Variants in CTTNBP2 observed in about 807,000 individuals in gnomAD.
The protein encoded by CTTNBP2 is cortactin-binding protein 2.
CTTNBP2 carries 108 observed loss-of-function variants against 156.9 expected under a neutral mutation model. The ratio of observed to expected loss-of-function variants is 0.69; its 90% CI spans 0.59 to 0.81. The LOEUF is 0.81. CTTNBP2 is among the 30% of genes least tolerant of loss of function. The pLI, the probability that CTTNBP2 is intolerant of heterozygous loss-of-function variation, is 0.00. For missense variants in CTTNBP2, 1,924 were observed against 2,035.4 expected, an observed-to-expected ratio of 0.95 and a Z score of 1.05; for synonymous variants, 767 against 751.8, an observed-to-expected ratio of 1.02 and a Z score of -0.33.
chr7:117,871,162 G>T (rs536910155), intron 1 of CTTNBP2, among the ~76,000 whole-genome samples: 8 of 152,176 alleles, frequency 5.3e-5, no homozygotes, highest in Non-Finnish European at 8.8e-5. Context: ...CAGTCAACAA[G>T]AACCCAAAAT....
chr7:117,769,981 T>C (rs1263014994), intron 8 of CTTNBP2, among the ~76,000 whole-genome samples: 1 of 152,220 alleles, frequency 6.6e-6, no homozygotes, highest in Non-Finnish European at 1.5e-5. Flanking sequence ...ATAAGGGTAA[T>C]GTGACTTAAA....
intron 16 of CTTNBP2, among the ~76,000 whole-genome samples, chr7:117,734,466 A>C (rs1795571648): frequency 6.6e-6 from 1 of 152,192 alleles, no homozygotes; most frequent in Non-Finnish European, 1.5e-5. Context: ...AAGTCACTAA[A>C]AGTTATTATT....
At chr7:117,773,903 G>A (rs1176297338) in intron 8 of CTTNBP2, among the ~76,000 whole-genome samples, 1 of 152,014 alleles carries the variant, frequency 6.6e-6, no homozygotes, top group Non-Finnish European at 1.5e-5. Context: ...ACACATAAGC[G>A]AGAACCATAA....
chr7:117,774,313 A>G (rs2116744972), intron 8 of CTTNBP2, among the ~76,000 whole-genome samples: 1 of 152,318 alleles, frequency 6.6e-6, no homozygotes, highest in East Asian at 1.9e-4. Context: ...CATTTCTTGT[A>G]GATAAAGACT....
At chr7:117,766,403 T>C (rs1159422096) in intron 9 of CTTNBP2, among the ~76,000 whole-genome samples, 1 of 152,252 alleles carries the variant, frequency 6.6e-6, no homozygotes, top group East Asian at 1.9e-4. Context: ...AAAATAAAAG[T>C]ATATGAATGT....
intron 2 of CTTNBP2, among the ~76,000 whole-genome samples, chr7:117,857,443 T>C (rs906914691): frequency 5.3e-5 from 8 of 152,186 alleles, no homozygotes; most frequent in Non-Finnish European, 7.4e-5. Context: ...GAAAAGTCCA[T>C]TGCAATTAAT....
intron 6 of CTTNBP2, among the ~76,000 whole-genome samples, chr7:117,781,127 A>T (rs1798414371): frequency 6.6e-6 from 1 of 152,224 alleles, no homozygotes; most frequent in Non-Finnish European, 1.5e-5. Context: ...CTGTCTCCTG[A>T]AGTCAGGCTA....
intron 1 of CTTNBP2, among the ~76,000 whole-genome samples, chr7:117,866,842 T>C (rs1804233992): frequency 6.6e-6 from 1 of 152,190 alleles, no homozygotes; most frequent in South Asian, 2.1e-4. Flanking sequence ...TTTGCCTCTT[T>C]GCTCAGAAGT....
At position 117,724,752 on chromosome 7, in the gene CTTNBP2, A is replaced by C; in HGVS notation, c.4262-20T>G. The C allele has an allele frequency of 1.2e-6, 2 of 1,612,312 alleles. No individual in the cohort carries two copies. Among genetic ancestry groups the C allele is most frequent in the Non-Finnish European group, 1.7e-6 (2 of 1,179,414 alleles). ...CTAGCTCTGAAACAACACAAATCAC[A>C]GCAGGGATAATGCAGTTTCACTGAT... On this transcript the variant is annotated intron_variant, in intron 18 of 22. Coordinates refer to ENST00000160373, the MANE Select transcript of CTTNBP2 (RefSeq NM_033427.3).
intron 2 of CTTNBP2, among the ~76,000 whole-genome samples, chr7:117,836,489 A>G (rs574994739): frequency 7.4e-4 from 112 of 152,276 alleles, no homozygotes; most frequent in Non-Finnish European, 2.9e-4. Flanking sequence ...GCATGAACCC[A>G]GAGGCGGAGC....
At chr7:117,763,066 C>T (rs1484908620) in intron 9 of CTTNBP2, among the ~76,000 whole-genome samples, 1 of 152,214 alleles carries the variant, frequency 6.6e-6, no homozygotes, top group Non-Finnish European at 1.5e-5. Context: ...CCTTTAAATC[C>T]TCATCCCCCT....
At position 117,847,819 on chromosome 7, in the gene CTTNBP2, C is replaced by CTTTTTTTTTTTTTTTTTTTTTTT. The variant is rs201419286; in HGVS notation, c.189+13367_189+13389dup. Among the ~76,000 whole-genome samples, 8 of 91,368 alleles carry CTTTTTTTTTTTTTTTTTTTTTTT rather than the reference C, an allele frequency of 8.8e-5. 1 individual carries two copies. The highest frequency in any genetic ancestry group is 3.3e-4 in the African/African-American group (7 of 20,978). 59.9% of individuals were successfully genotyped at this position (91,368 alleles called of 152,430 possible). ...TTTTTATAGATCTTCTTTGCCTAAC[C>CTTTTTTTTTTTTTTTTTTTTTTT]TTTTTTTTTTTTTTTTTTTTTTTTT... On this transcript the variant is annotated intron_variant, in intron 2 of 22. Coordinates refer to ENST00000160373, the MANE Select transcript of CTTNBP2 (RefSeq NM_033427.3).
At chr7:117,715,491 A>AAAAAAAG (rs1355121110) in intron 22 of CTTNBP2, among the ~76,000 whole-genome samples, 2 of 151,490 alleles carry the variant, frequency 1.3e-5, no homozygotes, top group African/African-American at 4.8e-5. Flanking sequence ...AAAAAAAAAA[A>AAAAAAAG]AAGAAGCCTC....
chr7:117,817,382 A>G (rs1254235320), intron 2 of CTTNBP2, among the ~76,000 whole-genome samples: 14 of 126,304 alleles, frequency 1.1e-4, no homozygotes, highest in African/African-American at 4.0e-4. Context: ...ATATATATAT[A>G]TATATAATTT....
At chr7:117,812,317 A>G (rs888701212) in intron 2 of CTTNBP2, among the ~76,000 whole-genome samples, 6 of 152,186 alleles carry the variant, frequency 3.9e-5, no homozygotes, top group Admixed American at 2.6e-4. Context: ...CAGTAAAAAA[A>G]TTAAGTTATA....
intron 9 of CTTNBP2, 112 bp downstream of exon 9, chr7:117,766,947 C>G: frequency 1.4e-6 from 1 of 696,816 alleles, no homozygotes; most frequent in South Asian, 1.7e-5. Flanking sequence ...ATAGCTAGGG[C>G]TCCAAAAAGG....
intron 2 of CTTNBP2, among the ~76,000 whole-genome samples, chr7:117,832,273 C>T (rs1191242682): frequency 6.6e-6 from 1 of 152,152 alleles, no homozygotes; most frequent in Non-Finnish European, 1.5e-5. Flanking sequence ...CCAGCCGCCA[C>T]CATGCAACTC....
At chr7:117,782,836 GA>G (rs760902735) in intron 6 of CTTNBP2, 25 bp downstream of exon 6, 11 of 1,555,740 alleles carry the variant, frequency 7.1e-6, no homozygotes, top group Middle Eastern at 1.7e-4. Flanking sequence ...TTGATGGTGG[GA>G]AAAAAAGAAT....
intron 4 of CTTNBP2, among the ~76,000 whole-genome samples, chr7:117,789,744 C>T (rs1388541430): frequency 6.8e-6 from 1 of 146,140 alleles, no homozygotes; most frequent in African/African-American, 2.7e-5. Flanking sequence ...AAGCTCAATA[C>T]CAAGCTGACA....
Sources: allele counts gnomAD v4.1 joint callset (sites outside exome capture counted in the v4.1 genomes callset), GRCh38; gene constraint gnomAD v4.1.1; transcripts MANE v1.5; gene names NCBI Gene and HGNC (gene_info 2026-07-23, HGNC 2026-07-21).